Variants in ATAD2B observed in about 807,000 individuals in gnomAD.
ATAD2B encodes ATPase family AAA domain containing 2B.
A neutral mutation model predicts 167.6 loss-of-function variants in ATAD2B; 40 were observed. That is an observed-to-expected ratio of 0.24 (90% CI 0.19 to 0.31). The LOEUF is 0.31. Ranked by LOEUF, ATAD2B falls within the 10% of genes least tolerant of loss-of-function variation. ATAD2B has a pLI of 1.00. For synonymous variants in ATAD2B, 579 were observed against 596.5 expected, an observed-to-expected ratio of 0.97 and a Z score of 0.43; for missense variants, 1,242 against 1,757.2, an observed-to-expected ratio of 0.71 and a Z score of 5.24.
chr2:23,788,837 T>C (rs143534291), intron 19 of ATAD2B, among the ~76,000 whole-genome samples, 190 bp from the exon 20 acceptor site: 2,272 of 152,184 alleles, frequency 0.015, 22 homozygotes, highest in Non-Finnish European at 0.022. Flanking sequence ...TAAACAGGAA[T>C]GGAAGAATGT....
At chr2:23,847,336 T>A (rs1011407193) in intron 13 of ATAD2B, among the ~76,000 whole-genome samples, 1 of 151,808 alleles carries the variant, frequency 6.6e-6, no homozygotes, top group Non-Finnish European at 1.5e-5. Context: ...AAACCCTGTC[T>A]CTACTAAAAA....
chr2:23,762,214 C>T lies in ATAD2B; in HGVS notation c.3389G>A (p.Cys1130Tyr), dbSNP rs1676836080. The change falls in exon 24 of 28, where the codon TGT becomes TAT. Residue 1130 changes from cysteine to tyrosine, a missense_variant. Coordinates refer to ENST00000238789, the MANE Select transcript of ATAD2B (RefSeq NM_017552.4). ...ACATGAGCTGAAATACTCACATGCA[C>T]ATTTATTTGCAGAGTTGTGCCACAC... ...MDVWHNSANK[C>Y]AFRVRRKSRR... 3 of 1,613,342 alleles carry T rather than the reference C, an allele frequency of 1.9e-6. No individual in the cohort carries two copies. In the South Asian group the frequency reaches 3.3e-5, roughly 18 times the overall value.
At chr2:23,791,336 G>A (rs754142329) in intron 19 of ATAD2B, among the ~76,000 whole-genome samples, 2 of 152,136 alleles carry the variant, frequency 1.3e-5, no homozygotes, top group Non-Finnish European at 2.9e-5. Flanking sequence ...ATAAATTTAT[G>A]TTTAACTTTG....
At chr2:23,915,833 C>T (rs927850681) in intron 1 of ATAD2B, among the ~76,000 whole-genome samples, 2 of 151,882 alleles carry the variant, frequency 1.3e-5, no homozygotes, top group East Asian at 1.9e-4. Flanking sequence ...CCTCATGATC[C>T]GCCTGCCTCA....
At chr2:23,843,437 G>GC (rs1203819240) in intron 13 of ATAD2B, among the ~76,000 whole-genome samples, 1 of 152,200 alleles carries the variant, frequency 6.6e-6, no homozygotes, top group Non-Finnish European at 1.5e-5. Context: ...ACTGAAAGCA[G>GC]CAAGAGAAAA....
intron 12 of ATAD2B, among the ~76,000 whole-genome samples, chr2:23,857,987 C>A (rs1238305990): frequency 6.6e-6 from 1 of 152,084 alleles, no homozygotes; most frequent in Non-Finnish European, 1.5e-5. Context: ...TCGTGATCTG[C>A]CCGCCTCGAC....
intron 21 of ATAD2B, among the ~76,000 whole-genome samples, chr2:23,783,301 T>A (rs78162775): frequency 6.6e-6 from 1 of 150,568 alleles, no homozygotes; most frequent in African/African-American, 2.4e-5. Context: ...TTTTTTTTTT[T>A]AATCCTTCGG....
intron 13 of ATAD2B, chr2:23,856,499 T>G (rs1306001588): frequency 2.6e-6 from 1 of 383,250 alleles, no homozygotes; most frequent in Non-Finnish European, 5.3e-6. Flanking sequence ...AAATAAATAG[T>G]AGTATACACA....
the ATAD2B span, among the ~76,000 whole-genome samples, chr2:23,740,503 C>T: frequency 4.0e-5 from 6 of 151,150 alleles, no homozygotes; most frequent in Admixed American, 3.3e-4. Context: ...ATTCAACAAC[C>T]CTTCATGCTA....
chr2:23,825,529 TA>T (rs1222323865), intron 15 of ATAD2B, among the ~76,000 whole-genome samples: 2 of 152,190 alleles, frequency 1.3e-5, no homozygotes, highest in East Asian at 3.8e-4. Context: ...TTTGCATATA[TA>T]CCCATTTCAT....
At chr2:23,704,162 C>A in the ATAD2B span, among the ~76,000 whole-genome samples, 1 of 152,308 alleles carries the variant, frequency 6.6e-6, no homozygotes, top group South Asian at 2.1e-4. Flanking sequence ...GGTCAGCTTC[C>A]CCCAGGACCA....
At chr2:23,878,015 A>C in intron 7 of ATAD2B, among the ~76,000 whole-genome samples, 1 of 32,296 alleles carries the variant, frequency 3.1e-5, no homozygotes, top group South Asian at 1.0e-3. Context: ...ATCTCCAAAG[A>C]AAAAAAAAAA....
At chr2:23,810,178 G>T in intron 18 of ATAD2B, 138 bp downstream of exon 18, 2 of 710,272 alleles carry the variant, frequency 2.8e-6, no homozygotes, top group Non-Finnish European at 4.4e-6. Context: ...ATACTAGAAT[G>T]CTAATGAATA....
chr2:23,881,867 G>C (rs1697958892), intron 6 of ATAD2B, among the ~76,000 whole-genome samples: 1 of 152,074 alleles, frequency 6.6e-6, no homozygotes, highest in Admixed American at 6.5e-5. Context: ...GGGACTACAA[G>C]CATGTATCAC....
rs70941593 is a variant in ATAD2B at position 23,825,109 on chromosome 2, A to ATTT, written c.1820-1543_1820-1541dup. ...CAGTGTGTGCCATCACATCAGGCTA[A>ATTT]TTTTTTTTTTTTTTTTTTTTTGTAG... On this transcript the variant is annotated intron_variant, in intron 15 of 27. Transcript: ENST00000238789. Among the ~76,000 whole-genome samples the ATTT allele has an allele frequency of 7.4e-4, 83 of 111,504 alleles. 3 individuals carry two copies. Among genetic ancestry groups the ATTT allele is most frequent in the South Asian group, 1.5e-3 (5 of 3,278 alleles). The allele number at this position is 111,504 out of a possible 152,430, so 73.2% of individuals were successfully genotyped here.
At chr2:23,818,228 A>AGAGAGG (rs10648574) in intron 17 of ATAD2B, among the ~76,000 whole-genome samples, 11,083 of 43,074 alleles carry the variant, frequency 0.26, 4,725 homozygotes, top group Middle Eastern at 0.55. Context: ...GGAGGGAAGA[A>AGAGAGG]GAGAGGGAGG....
chr2:23,896,092 G>A (rs575004332), intron 1 of ATAD2B, 122 bp from the exon 2 acceptor site: 14 of 626,628 alleles, frequency 2.2e-5, no homozygotes, highest in South Asian at 5.0e-5. Flanking sequence ...CGAGGTGGGC[G>A]ATCACTTGAG....
chr2:23,755,598 A>G (rs565094793), intron 25 of ATAD2B, among the ~76,000 whole-genome samples: 4 of 152,142 alleles, frequency 2.6e-5, no homozygotes, highest in Non-Finnish European at 5.9e-5. Flanking sequence ...AATTTCATAC[A>G]GGATGTGGCC....
chr2:23,731,206 A>G, the ATAD2B span, among the ~76,000 whole-genome samples: 1 of 122,814 alleles, frequency 8.1e-6, no homozygotes, highest in Non-Finnish European at 1.9e-5. Context: ...TAAGGAAATA[A>G]TTCATTAAAT....
Sources: gnomAD v4.1 joint callset for allele counts (sites outside exome capture counted in the v4.1 genomes callset) on GRCh38, gnomAD v4.1.1 for gene constraint, MANE v1.5 for transcripts, NCBI Gene and HGNC (gene_info 2026-07-23, HGNC 2026-07-21) for gene names.